Variants in TBC1D2B observed in about 807,000 individuals in gnomAD.
TBC1D2B encodes the protein TBC1 domain family member 2B.
Under a neutral mutation model 100.8 loss-of-function variants are expected in TBC1D2B, and 64 were observed. The ratio of observed to expected loss-of-function variants is 0.64; its 90% CI spans 0.52 to 0.78. TBC1D2B has a LOEUF of 0.78. Ranked by LOEUF, TBC1D2B falls within the 30% of genes least tolerant of loss-of-function variation. The probability of loss-of-function intolerance (pLI) is 0.00; values close to 1 mark genes in which losing one functional copy is unlikely to be tolerated. For synonymous variants in TBC1D2B, 480 were observed against 479.7 expected (o/e 1.00, Z -0.01); for missense variants, 1,052 against 1,218.4 (o/e 0.86, Z 2.03).
chr15:78,007,735 G>A (rs902665573), intron 10 of TBC1D2B, among the ~76,000 whole-genome samples: 3 of 152,202 alleles, frequency 2.0e-5, no homozygotes, highest in African/African-American at 7.2e-5. Context: ...CAGAGTTATA[G>A]CAAGGGCAGA....
intron 9 of TBC1D2B, among the ~76,000 whole-genome samples, chr15:78,010,710 C>T (rs948692782): frequency 6.6e-6 from 1 of 151,990 alleles, no homozygotes; most frequent in African/African-American, 2.4e-5. Flanking sequence ...TTAAATTCAC[C>T]AATATTCCAG....
chr15:78,041,825 C>T (rs1484825938), intron 3 of TBC1D2B, among the ~76,000 whole-genome samples: 1 of 152,212 alleles, frequency 6.6e-6, no homozygotes, highest in East Asian at 1.9e-4. Context: ...GTGCCTCCAC[C>T]AGCAACAGCA....
intron 1 of TBC1D2B, among the ~76,000 whole-genome samples, chr15:78,070,282 T>C (rs1482486678): frequency 6.9e-6 from 1 of 145,130 alleles, no homozygotes. Flanking sequence ...CACCAACTCA[T>C]CCTTTGAGTC....
At position 78,001,746 on chromosome 15, in the gene TBC1D2B, G is replaced by C; in HGVS notation, c.2575-6C>G. 6.2e-7 allele frequency: 1 copy of C among 1,601,492 alleles called. No individual in the cohort carries two copies. The highest frequency in any genetic ancestry group is 2.2e-5 in the East Asian group (1 of 44,592). ...AGAGCAAAACGGAAAATAACCTGTG[G>C]AATAAACAGGGAAATCTGTTAGTGG... On this transcript the variant is annotated splice_region_variant and splice_polypyrimidine_tract_variant and intron_variant, in intron 11 of 12. Transcript: ENST00000300584.
At chr15:78,025,040 T>G (rs1267375077) in intron 5 of TBC1D2B, among the ~76,000 whole-genome samples, 1 of 151,714 alleles carries the variant, frequency 6.6e-6, no homozygotes, top group Non-Finnish European at 1.5e-5. Context: ...TGAGAGATCT[T>G]CACTCTCCTT....
intron 3 of TBC1D2B, among the ~76,000 whole-genome samples, chr15:78,043,848 A>G (rs1019233686): frequency 3.3e-5 from 5 of 151,920 alleles, no homozygotes; most frequent in African/African-American, 1.2e-4. Flanking sequence ...GATAGAGGGA[A>G]CCCTGTCTCT....
rs750087272 is a variant in TBC1D2B, at chr15:78,012,813, G to T, written c.2270+10C>A. On this transcript the variant is annotated intron_variant, in intron 9 of 12. Transcript: ENST00000300584. ...ATGGCAAATGGGAACATTTTGTGCT[G>T]TGCACCCACCTGTTTAGGCCTTGAC... The T allele has an allele frequency of 6.7e-7, 1 of 1,486,196 alleles. No individual in the cohort carries two copies. Among genetic ancestry groups the T allele is most frequent in the Non-Finnish European group, 8.9e-7 (1 of 1,118,020 alleles). The allele number at this position is 1,486,196 out of a possible 1,614,324, so 92.1% of individuals were successfully genotyped here. A position where few individuals can be genotyped will look rare whatever the true frequency, so the allele number is the denominator to read the frequency against.
At position 77,997,504 on chromosome 15, in the gene TBC1D2B, C is replaced by G. The variant is rs1011295556; in HGVS notation, c.*656G>C. On this transcript the variant is annotated 3_prime_UTR_variant, in exon 13 of 13. Coordinates refer to ENST00000300584, the MANE Select transcript of TBC1D2B (RefSeq NM_144572.2). ...GGGTGTCTGGGCAGCCAGGCCCTCC[C>G]CATGCAGGCTGGAAGACACTGATGG... 6.6e-6 allele frequency: 1 copy of G among 152,340 alleles called. No individual in the cohort carries two copies. Among genetic ancestry groups the G allele is most frequent in the Non-Finnish European group, 1.5e-5 (1 of 68,114 alleles). The allele number at this position is 152,340 out of a possible 1,614,324, so 9.4% of individuals were successfully genotyped here.
chr15:78,054,610 T>C (rs1346956494), intron 1 of TBC1D2B, among the ~76,000 whole-genome samples: 1 of 151,986 alleles, frequency 6.6e-6, no homozygotes, highest in Non-Finnish European at 1.5e-5. Flanking sequence ...CATCTGAGAG[T>C]ATACAAAGAA....
intron 12 of TBC1D2B, 59 bp from the exon 13 acceptor site, chr15:77,998,414 A>G (rs2071821965): frequency 1.4e-6 from 2 of 1,453,662 alleles, no homozygotes; most frequent in South Asian, 1.4e-5. Flanking sequence ...GTGCTCACAC[A>G]CAGCCCTCAC....
intron 1 of TBC1D2B, among the ~76,000 whole-genome samples, chr15:78,062,697 C>A (rs1311281220): frequency 1.3e-5 from 2 of 152,084 alleles, no homozygotes; most frequent in Non-Finnish European, 2.9e-5. Context: ...GGTAGAAAAC[C>A]AATTTTCTTT....
chr15:78,045,183 T>C (rs2073171400), intron 2 of TBC1D2B, 115 bp from the exon 3 acceptor site: 3 of 918,386 alleles, frequency 3.3e-6, no homozygotes, highest in Admixed American at 3.0e-5. Flanking sequence ...TGTAATAGTA[T>C]ATTTTTAATG....
intron 6 of TBC1D2B, among the ~76,000 whole-genome samples, chr15:78,021,944 C>T (rs1270597013): frequency 6.6e-6 from 1 of 152,202 alleles, no homozygotes; most frequent in African/African-American, 2.4e-5. Context: ...CACCCTGGCT[C>T]GCTCCCCGGG....
intron 6 of TBC1D2B, among the ~76,000 whole-genome samples, chr15:78,019,579 CTT>C (rs201969250): frequency 6.9e-6 from 1 of 144,782 alleles, no homozygotes. Context: ...GTCTTAAAAG[CTT>C]TTTTTTTTTT....
intron 4 of TBC1D2B, among the ~76,000 whole-genome samples, chr15:78,026,888 C>T (rs529799587): frequency 9.3e-4 from 134 of 144,094 alleles, no homozygotes; most frequent in Admixed American, 9.9e-4. Context: ...GCAACAAGAG[C>T]GAATCTCCAT....
intron 10 of TBC1D2B, among the ~76,000 whole-genome samples, chr15:78,005,398 G>A (rs916184692): frequency 6.6e-6 from 1 of 152,202 alleles, no homozygotes; most frequent in African/African-American, 2.4e-5. Flanking sequence ...CACGGGGCTC[G>A]GGCACTTGGT....
intron 2 of TBC1D2B, among the ~76,000 whole-genome samples, chr15:78,051,430 A>T (rs1016383067): frequency 5.9e-5 from 9 of 152,228 alleles, no homozygotes; most frequent in African/African-American, 2.2e-4. Context: ...TGACTTACTT[A>T]GAGTCTGACA....
At chr15:78,047,161 C>T (rs2073213932) in intron 2 of TBC1D2B, among the ~76,000 whole-genome samples, 2 of 149,022 alleles carry the variant, frequency 1.3e-5, no homozygotes, top group Non-Finnish European at 1.5e-5. Context: ...ACAGAGTATA[C>T]ACTTTTTTTT....
intron 1 of TBC1D2B, among the ~76,000 whole-genome samples, chr15:78,064,190 A>G (rs2073608803): frequency 6.6e-6 from 1 of 152,194 alleles, no homozygotes; most frequent in South Asian, 2.1e-4. Context: ...GACCCAGTTC[A>G]AACATCTCAT....
Sources: allele counts gnomAD v4.1 joint callset (sites outside exome capture counted in the v4.1 genomes callset), GRCh38; gene constraint gnomAD v4.1.1; transcripts MANE v1.5; gene names NCBI Gene and HGNC (gene_info 2026-07-23, HGNC 2026-07-21).